Variants in DSEL observed in about 807,000 individuals in gnomAD.
DSEL encodes dermatan sulfate epimerase like.
Under a neutral mutation model 96.6 loss-of-function variants are expected in DSEL, and 61 were observed. The ratio of observed to expected loss-of-function variants is 0.63; its 90% CI spans 0.51 to 0.78. The LOEUF is 0.78. DSEL is among the 30% of genes least tolerant of loss of function. The pLI is 0.00. For missense variants in DSEL, 1,320 were observed against 1,430.8 expected, an observed-to-expected ratio of 0.92 and a Z score of 1.25; for synonymous variants, 514 against 502.0, an observed-to-expected ratio of 1.02 and a Z score of -0.32.
chr18:67,511,785 G>A lies in DSEL; in HGVS notation c.2824C>T (p.Pro942Ser), dbSNP rs118048833. 19,637 of 1,614,122 alleles carry A rather than the reference G, an allele frequency of 0.012. 166 individuals are homozygous for A. Among genetic ancestry groups the A allele is most frequent in the Non-Finnish European group, 0.015 (17,433 of 1,180,028 alleles). The change falls in exon 2 of 2, where the codon CCC (proline) becomes TCC (serine). Residue 942 changes from proline to serine, a missense_variant. Pro to Ser is a moderately conservative substitution (Grantham distance 74, BLOSUM62 -1). This residue lies in a region of DSEL where 986 missense variants were observed against 1,066.4 expected (regional missense o/e 0.92). Transcript: ENST00000310045. ...TATTGGGCCAGTTTACCCCTATTGG[G>A]TTCATGCAGATGGATGTTTTGCAAA... ...LHLQNIHLHE[P>S]NRGKLAQYFA...
rs1243840336 is a variant in DSEL at position 67,514,198 on chromosome 18, T to C, written c.411A>G (p.Glu137=). 8.1e-6 allele frequency: 13 copies of C among 1,614,206 alleles called. No homozygotes were observed. Among genetic ancestry groups the C allele is most frequent in the Non-Finnish European group, 1.1e-5 (13 of 1,180,040 alleles). ...PLALYCLLCP[E]DKVAFEFVLE... ...AGACAAATTCAAAGGCAACTTTGTCTTCTGGGCATAACAAACAGTACAATG... is the reference window on the plus strand; with the variant it reads ...AGACAAATTCAAAGGCAACTTTGTCCTCTGGGCATAACAAACAGTACAATG... Residue 137 remains glutamate, a synonymous_variant, in exon 2 of 2, where the codon GAA becomes GAG. Coordinates refer to ENST00000310045, the MANE Select transcript of DSEL (RefSeq NM_032160.3).
rs201334422 is a variant in DSEL, at chr18:67,512,409, C to T, written c.2200G>A (p.Gly734Ser). Residue 734 changes from glycine (G) to serine (S), a missense_variant, in exon 2 of 2, where the codon GGT becomes AGT. Physicochemically the swap from Gly to Ser is moderately conservative, Grantham distance 56 (BLOSUM62 0). This residue lies in a region of DSEL where 986 missense variants were observed against 1,066.4 expected (regional missense o/e 0.92). Coordinates refer to ENST00000310045, the MANE Select transcript of DSEL (RefSeq NM_032160.3). ...LKTRFNYLGF[G>S]GFASVADQGQ... ...TGATCAGCCACACTGGCAAAGCCAC[C>T]GAATCCCAGATAATTGAATCTTGTC... 1,132 of 1,614,098 alleles carry T rather than the reference C, an allele frequency of 7.0e-4. 2 individuals carry two copies. Among genetic ancestry groups the T allele is most frequent in the Non-Finnish European group, 4.6e-4 (540 of 1,180,018 alleles).
In DSEL at chr18:67,511,356, TC is replaced by T; in HGVS notation, c.3252del (p.Arg1085GlyfsTer20). ...NSGYAFEYEP[L>X]RKELSKSKSN... ...GATTTGGATTTTGATAATTCTTTCC[TC>T]AATGGTTCATACTCGAAAGCATAAC... On this transcript the variant is annotated frameshift_variant, in exon 2 of 2. Transcript: ENST00000310045. LOFTEE classifies it high-confidence loss of function. The T allele has an allele frequency of 6.2e-7, 1 of 1,604,000 alleles. No individual in the cohort carries two copies. Among genetic ancestry groups the T allele is most frequent in the Non-Finnish European group, 8.5e-7 (1 of 1,179,974 alleles).
rs770634593 is a variant in DSEL, at chr18:67,511,687, C to T, written c.2922G>A (p.Met974Ile). ...CAGCATCTCTATCAAAGGCGCCTTT[C>T]ATTTGACTTCTTTGTTCTGGCAAAG... ...RESLPEQRSQ[M>I]KGAFDRDAEY... is the part of the protein sequence containing the mutation. The change falls in exon 2 of 2, where the codon ATG becomes ATA. Residue 974 changes from methionine to isoleucine, a missense_variant. This residue lies in a region of DSEL where 986 missense variants were observed against 1,066.4 expected (regional missense o/e 0.92). Coordinates refer to ENST00000310045, the MANE Select transcript of DSEL (RefSeq NM_032160.3). 3.7e-6 allele frequency: 6 copies of T among 1,614,108 alleles called. No homozygotes were observed. The East Asian group carries it at 1.3e-4, about 36-fold the overall frequency.
Position 67,511,523 on chromosome 18 carries a change from A to G in DSEL, c.3086T>C (p.Ile1029Thr). The change falls in exon 2 of 2, where the codon ATA (isoleucine) becomes ACA (threonine). Residue 1029 changes from isoleucine to threonine, a missense_variant. By Grantham distance (89) the Ile-to-Thr change is moderately conservative. This residue lies in a region of DSEL where 986 missense variants were observed against 1,066.4 expected (regional missense o/e 0.92). Coordinates refer to ENST00000310045, the MANE Select transcript of DSEL (RefSeq NM_032160.3). ...AATCCATGCCCGAGGGTCTCTTACTATGTACAATGCCCTCATCGAAGCTCC... is the reference window on the plus strand; with the variant it reads ...AATCCATGCCCGAGGGTCTCTTACTGTGTACAATGCCCTCATCGAAGCTCC... Reference protein sequence around the residue: ...VLGASMRALYIVRDPRAWIYS... With the variant: ...VLGASMRALYTVRDPRAWIYS... 1 of 1,613,804 alleles carries G rather than the reference A, an allele frequency of 6.2e-7. No homozygotes were observed. Among genetic ancestry groups the G allele is most frequent in the Non-Finnish European group, 8.5e-7 (1 of 1,180,014 alleles).
In DSEL at chr18:67,513,855, G is replaced by C. The variant is rs1444514619; in HGVS notation, c.754C>G (p.Gln252Glu). 5 of 1,613,924 alleles carry C rather than the reference G, an allele frequency of 3.1e-6. No homozygotes were observed. The highest frequency in any genetic ancestry group is 3.4e-6 in the Non-Finnish European group (4 of 1,180,022). ...TTTTCCATGACATCCACTACAGCCTGTTTCCATATATTTGCTTTAGATCCT... is the reference window on the plus strand; with the variant it reads ...TTTTCCATGACATCCACTACAGCCTCTTTCCATATATTTGCTTTAGATCCT... ...DKGSKANIWK[Q>E]AVVDVMEKTM... Residue 252 changes from glutamine to glutamate, a missense_variant, in exon 2 of 2, where the codon CAG becomes GAG. Transcript: ENST00000310045.
rs142309058 is a variant in DSEL at position 67,514,159 on chromosome 18, G to A, written c.450C>T (p.Asp150=). The stretch of plus-strand genomic sequence containing the variant: ...GCCAGTCTTTGTAGCCAACCATCCT[G>A]TCCATATATTCCAAGACAAATTCAA... ...VAFEFVLEYM[D]RMVGYKDWLV... The change falls in exon 2 of 2, where the codon GAC becomes GAT. Residue 150 remains aspartate (D), a synonymous_variant. Coordinates refer to ENST00000310045, the MANE Select transcript of DSEL (RefSeq NM_032160.3). 6.3e-5 allele frequency: 101 copies of A among 1,614,028 alleles called. No homozygotes were observed. The highest frequency in any genetic ancestry group is 3.3e-4 in the Middle Eastern group (2 of 6,084).
In DSEL at chr18:67,514,036, A is replaced by G; in HGVS notation, c.573T>C (p.His191=). 5 of 1,614,134 alleles carry G rather than the reference A, an allele frequency of 3.1e-6. No homozygotes were observed. Among genetic ancestry groups the G allele is most frequent in the Non-Finnish European group, 4.2e-6 (5 of 1,180,008 alleles). The change falls in exon 2 of 2, where the codon CAT becomes CAC. Residue 191 remains histidine (H), a synonymous_variant. Transcript: ENST00000310045. ...FDFLYNLLDN[H]RRQKYLEKIW... is the part of the protein sequence containing the mutation. ...TTTTTTCCAGGTATTTTTGTCTTCG[A>G]TGATTATCTAATAAGTTATATAAAA...
At position 67,508,411 on chromosome 18, in the gene DSEL, GGA is replaced by G. The variant is rs2144043294; in HGVS notation, c.*2557_*2558del. 1 of 152,078 alleles carries G rather than the reference GGA, an allele frequency of 6.6e-6. No homozygotes were observed. The highest frequency in any genetic ancestry group is 2.4e-5 in the African/African-American group (1 of 41,448). The allele number at this position is 152,078 out of a possible 1,614,324, so 9.4% of individuals were successfully genotyped here. A position where few individuals can be genotyped will look rare whatever the true frequency, so the allele number is the denominator to read the frequency against. On this transcript the variant is annotated 3_prime_UTR_variant, in exon 2 of 2. Transcript: ENST00000310045. ...ATTCCTTACAGAACAATCTGTGAGT[GGA>G]CGCTTTCTCCAGCAAACTTTCTATT...
Position 67,512,814 on chromosome 18 carries a change from T to C in DSEL, c.1795A>G (p.Ser599Gly), listed in dbSNP as rs1270364771. The change falls in exon 2 of 2, where the codon AGT becomes GGT. Residue 599 changes from serine (S) to glycine (G), a missense_variant. Transcript: ENST00000310045. ...ATATCCAAATTATGAAAGAAGGCAC[T>C]GACAGAATTTATTGGGGAATCTTCT... is the stretch of plus-strand genomic sequence containing the variant. ...RQEDSPINSV[S>G]AFFHNLDIDF... The C allele has an allele frequency of 1.2e-6, 2 of 1,614,066 alleles. No individual in the cohort carries two copies. Among genetic ancestry groups the C allele is most frequent in the Non-Finnish European group, 1.7e-6 (2 of 1,180,030 alleles).
rs1598979983 is a variant in DSEL, at chr18:67,513,992, T to G, written c.617A>C (p.Glu206Ala). The change falls in exon 2 of 2, where the codon GAA (glutamate) becomes GCA (alanine). Residue 206 changes from glutamate to alanine, a missense_variant. Physicochemically the swap from Glu to Ala is moderately radical, Grantham distance 107. Transcript: ENST00000310045. The stretch of plus-strand genomic sequence containing the variant: ...GCGGACCTTGGAATACTCGTACATT[T>G]CCTCAGTAATAACCCATATTTTTTC... ...YLEKIWVITE[E>A]MYEYSKVRSW... 1 of 1,614,156 alleles carries G rather than the reference T, an allele frequency of 6.2e-7. No homozygotes were observed. Among genetic ancestry groups the G allele is most frequent in the Middle Eastern group, 1.6e-4 (1 of 6,062 alleles).
chr18:67,511,058 T>G lies in DSEL; in HGVS notation c.3551A>C (p.Gln1184Pro). The G allele has an allele frequency of 6.2e-7, 1 of 1,613,908 alleles. No homozygotes were observed. Among genetic ancestry groups the G allele is most frequent in the Non-Finnish European group, 8.5e-7 (1 of 1,179,970 alleles). The part of the protein sequence containing the change: ...ISPTNTNVWK[Q>P]NLPRDEIKLI... ...TTTAATTTCATCTCTAGGCAAGTTC[T>G]GTTTCCAAACATTAGTATTAGTTGG... The change falls in exon 2 of 2, where the codon CAG becomes CCG. Residue 1184 changes from glutamine to proline, a missense_variant. Around this residue, in one of 3 missense-constraint regions of DSEL, gnomAD observed 986 missense variants for 1,066.4 expected, o/e 0.92. Coordinates refer to ENST00000310045, the MANE Select transcript of DSEL (RefSeq NM_032160.3).
In DSEL at chr18:67,508,731, C is replaced by CT. The variant is rs71171183; in HGVS notation, c.*2238dup. 0.46 allele frequency: 58,293 copies of CT among 126,588 alleles called. 14,489 individuals carry two copies. Among genetic ancestry groups the CT allele is most frequent in the Middle Eastern group, 0.54 (117 of 218 alleles). The allele number at this position is 126,588 out of a possible 1,614,324, so 7.8% of individuals were successfully genotyped here. ...TGCCAACAGGTACATTTCTTTTTTT[C>CT]TTTTTTTTTTTTTTTTGAGGCGGAG... On this transcript the variant is annotated 3_prime_UTR_variant, in exon 2 of 2. Coordinates refer to ENST00000310045, the MANE Select transcript of DSEL (RefSeq NM_032160.3).
At position 67,512,663 on chromosome 18, in the gene DSEL, T is replaced by C. The variant is rs777150921; in HGVS notation, c.1946A>G (p.Gln649Arg). ...AAATTCAGCAGCTTGCTCTGCTTCC[T>C]GTATACTGGCCATGGGACTATTGCC... Reference protein sequence around the residue: ...HHGNSPMASIQEAEQAAEFKK... With the variant: ...HHGNSPMASIREAEQAAEFKK... The change falls in exon 2 of 2, where the codon CAG becomes CGG. Residue 649 changes from glutamine to arginine, a missense_variant. Physicochemically the swap from Gln to Arg is conservative, Grantham distance 43. This residue lies in a region of DSEL where 986 missense variants were observed against 1,066.4 expected (regional missense o/e 0.92). Coordinates refer to ENST00000310045, the MANE Select transcript of DSEL (RefSeq NM_032160.3). The C allele has an allele frequency of 4.3e-6, 7 of 1,614,212 alleles. No homozygotes were observed. Among genetic ancestry groups the C allele is most frequent in the African/African-American group, 2.7e-5 (2 of 75,068 alleles).
In DSEL at chr18:67,511,929, C is replaced by T. The variant is rs973366151; in HGVS notation, c.2680G>A (p.Glu894Lys). ...TCTACAAATGAGTCGATTTCCAACT[C>T]AGTTTCAGGAATATCAATGTAGGCT... ...PTAYIDIPET[E>K]LEIDSFVDAC... The change falls in exon 2 of 2, where the codon GAG becomes AAG. Residue 894 changes from glutamate to lysine, a missense_variant. Glu to Lys is a moderately conservative substitution (Grantham distance 56). Around this residue, in one of 3 missense-constraint regions of DSEL, gnomAD observed 986 missense variants for 1,066.4 expected, o/e 0.92. Coordinates refer to ENST00000310045, the MANE Select transcript of DSEL (RefSeq NM_032160.3). The T allele has an allele frequency of 1.2e-6, 2 of 1,614,018 alleles. No homozygotes were observed. Among genetic ancestry groups the T allele is most frequent in the Admixed American group, 1.7e-5 (1 of 59,992 alleles).
In DSEL at chr18:67,514,287, G is replaced by A; in HGVS notation, c.322C>T (p.Pro108Ser). Residue 108 changes from proline (P) to serine (S), a missense_variant, in exon 2 of 2, where the codon CCA becomes TCA. Coordinates refer to ENST00000310045, the MANE Select transcript of DSEL (RefSeq NM_032160.3). ...TTGGCAGCAAAATCAGCATGCTTTG[G>A]TGGAGGTAGGTAGTATGTTGGGTTG... ...LSNPTYYLPP[P>S]KHADFAAKWN... The A allele has an allele frequency of 6.2e-7, 1 of 1,614,204 alleles. No homozygotes were observed. Among genetic ancestry groups the A allele is most frequent in the Non-Finnish European group, 8.5e-7 (1 of 1,180,032 alleles).
At position 67,508,100 on chromosome 18, in the gene DSEL, T is replaced by A. The variant is rs1241259089; in HGVS notation, c.*2870A>T. ...CAATTATCTCAATTAGGCCTATGTT[T>A]GGGGAAGTTAATGTAGAAAAAGACG... On this transcript the variant is annotated 3_prime_UTR_variant, in exon 2 of 2. Transcript: ENST00000310045. The A allele has an allele frequency of 1.3e-5, 2 of 152,192 alleles. No homozygotes were observed. The highest frequency in any genetic ancestry group is 4.8e-5 in the African/African-American group (2 of 41,446). 9.4% of individuals were successfully genotyped at this position (152,192 alleles called of 1,614,324 possible).
In DSEL at chr18:67,511,315, G is replaced by A. The variant is rs2089440569; in HGVS notation, c.3294C>T (p.Leu1098=). The A allele has an allele frequency of 6.2e-7, 1 of 1,607,476 alleles. No homozygotes were observed. Among genetic ancestry groups the A allele is most frequent in the Non-Finnish European group, 8.5e-7 (1 of 1,179,992 alleles). Reference sequence around the variant, plus strand: ...TATTTGCTAGCCACAAGTGAGACAAGAGGGACACTGCATTTGATTTGGATT... The same window carrying A: ...TATTTGCTAGCCACAAGTGAGACAAAAGGGACACTGCATTTGATTTGGATT... ...LSKSKSNAVS[L]LSHLWLANTA... The change falls in exon 2 of 2, where the codon CTC becomes CTT. Residue 1098 remains leucine (L), a synonymous_variant. Coordinates refer to ENST00000310045, the MANE Select transcript of DSEL (RefSeq NM_032160.3).
Position 67,512,986 on chromosome 18 carries a change from G to A in DSEL, c.1623C>T (p.Ile541=). 1.2e-6 allele frequency: 2 copies of A among 1,614,160 alleles called. No homozygotes were observed. Among genetic ancestry groups the A allele is most frequent in the South Asian group, 2.2e-5 (2 of 91,074 alleles). Residue 541 remains isoleucine (I), a synonymous_variant, in exon 2 of 2, where the codon ATC becomes ATT. Transcript: ENST00000310045. ...CCATTTCCCCATGTTGAGAGGCAGT[G>A]ATTATTTCCCCAGCTGCATCACCAA... ...EEVGDAAGEI[I]TASQHGEMVF... is the part of the protein sequence containing the mutation.
Sources: gnomAD v4.1 joint callset for allele counts on GRCh38, gnomAD v4.1.1 for gene constraint, gnomAD v4.1.1 regional missense constraint, MANE v1.5 for transcripts, NCBI Gene and HGNC (gene_info 2026-07-23, HGNC 2026-07-21) for gene names.